PARPBP: variants seen among roughly 807,000 people sequenced by gnomAD.
PARPBP encodes PARP1 binding protein.
PARPBP carries 52 observed loss-of-function variants against 50.0 expected under a neutral mutation model. That is an observed-to-expected ratio of 1.04 (90% CI 0.83 to 1.31). PARPBP has a LOEUF of 1.31. Ranked by LOEUF, PARPBP falls within the 50% of genes most tolerant of loss-of-function variation. PARPBP has a pLI of 0.00. For missense variants in PARPBP, 697 were observed against 672.0 expected, an observed-to-expected ratio of 1.04 and a Z score of -0.41; for synonymous variants, 244 against 232.1, an observed-to-expected ratio of 1.05 and a Z score of -0.47.
At chr12:102,147,908 TA>T (rs1885619427) in intron 2 of PARPBP, among the ~76,000 whole-genome samples, 1 of 152,108 alleles carries the variant, frequency 6.6e-6, no homozygotes, top group Non-Finnish European at 1.5e-5. Flanking sequence ...AAGTATAGTT[TA>T]CTGCCCACCC....
In PARPBP at chr12:102,148,482, A is replaced by G. The variant is rs1450848974; in HGVS notation, c.387+19A>G. On this transcript the variant is annotated intron_variant, in intron 3 of 10. Coordinates refer to ENST00000327680, the MANE Select transcript of PARPBP (RefSeq NM_017915.5). The stretch of plus-strand genomic sequence containing the variant: ...ATCTCCTGTAAGTATTTTTTAAACA[A>G]TTCTATTTTAATCAAATTAAAATTT... 1.1e-6 allele frequency: 1 copy of G among 947,570 alleles called. No homozygotes were observed. The highest frequency in any genetic ancestry group is 1.6e-6 in the Non-Finnish European group (1 of 622,794). 58.7% of individuals were successfully genotyped at this position (947,570 alleles called of 1,614,324 possible).
intron 6 of PARPBP, among the ~76,000 whole-genome samples, chr12:102,168,802 A>G (rs1888407440): frequency 6.6e-6 from 1 of 152,186 alleles, no homozygotes; most frequent in South Asian, 2.1e-4. Context: ...TATTCATTTT[A>G]TCTTATAATT....
chr12:102,136,029 A>AT (rs75225108), intron 2 of PARPBP, among the ~76,000 whole-genome samples: 22 of 150,936 alleles, frequency 1.5e-4, no homozygotes, highest in South Asian at 1.3e-3. Flanking sequence ...TTTCCACATC[A>AT]TTTTTTTTTG....
At chr12:102,184,671 AT>A (rs1164590858) in intron 9 of PARPBP, among the ~76,000 whole-genome samples, 1 of 152,202 alleles carries the variant, frequency 6.6e-6, no homozygotes, top group African/African-American at 2.4e-5. Context: ...ACAGCTCTGA[AT>A]CTACTAATAA....
At chr12:102,135,661 T>C (rs945140843) in intron 2 of PARPBP, among the ~76,000 whole-genome samples, 4 of 152,106 alleles carry the variant, frequency 2.6e-5, no homozygotes, top group Non-Finnish European at 5.9e-5. Flanking sequence ...TGGACCTCAG[T>C]TTACACTCCT....
chr12:102,174,008 A>G (rs763631924), intron 6 of PARPBP, among the ~76,000 whole-genome samples: 9 of 151,256 alleles, frequency 6.0e-5, no homozygotes, highest in Non-Finnish European at 1.2e-4. Context: ...TTGTCTTACT[A>G]TTAAAAACTT....
rs1393003556 is a variant in PARPBP, at chr12:102,148,304, C to G, written c.228C>G (p.Asn76Lys). ...TWKYLLHEKL[N>K]LPVENMDVTD... ...AATACTTGCTCCATGAGAAATTGAA[C>G]TTACCAGTTGAAAACATGGACGTGA... The change falls in exon 3 of 11, where the codon AAC becomes AAG. Residue 76 changes from asparagine to lysine, a missense_variant. By Grantham distance (94) the Asn-to-Lys change is moderately conservative (BLOSUM62 0). Transcript: ENST00000327680. The G allele has an allele frequency of 6.2e-7, 1 of 1,607,260 alleles. No individual in the cohort carries two copies. Among genetic ancestry groups the G allele is most frequent in the Non-Finnish European group, 8.5e-7 (1 of 1,175,022 alleles).
rs550312636 is a variant in PARPBP, at chr12:102,155,072, C to T, written c.495+1096C>T. On this transcript the variant is annotated intron_variant, in intron 4 of 10. Transcript: ENST00000327680. Reference sequence around the variant, plus strand: ...TTGAATCTACCTATGACCTATAAGCCCCATTTCAAGGTGTCCCACCTTTCC... The same window carrying T: ...TTGAATCTACCTATGACCTATAAGCTCCATTTCAAGGTGTCCCACCTTTCC... 6.5e-5 allele frequency: 17 copies of T among 260,290 alleles called. 1 individual carries two copies. Among genetic ancestry groups the T allele is most frequent in the East Asian group, 4.0e-4 (4 of 9,950 alleles). The allele number at this position is 260,290 out of a possible 1,614,324, so 16.1% of individuals were successfully genotyped here. A position where few individuals can be genotyped will look rare whatever the true frequency, so the allele number is the denominator to read the frequency against.
intron 2 of PARPBP, among the ~76,000 whole-genome samples, chr12:102,124,435 T>A (rs1881645058): frequency 6.6e-6 from 1 of 152,204 alleles, no homozygotes. Context: ...ACCGGGATAC[T>A]GGAAACTGCC....
intron 9 of PARPBP, among the ~76,000 whole-genome samples, chr12:102,186,751 G>T (rs990697133): frequency 7.0e-4 from 107 of 152,046 alleles, no homozygotes; most frequent in African/African-American, 2.3e-3. Context: ...CTTATTCTGA[G>T]TCTAATGTTT....
chr12:102,129,383 T>A (rs751999221), intron 2 of PARPBP, among the ~76,000 whole-genome samples: 35 of 152,290 alleles, frequency 2.3e-4, no homozygotes, highest in South Asian at 1.2e-3. Context: ...TTTGGATATA[T>A]TTTCTCCCAT....
intron 2 of PARPBP, among the ~76,000 whole-genome samples, chr12:102,144,721 A>T (rs537702652): frequency 2.0e-5 from 3 of 152,158 alleles, no homozygotes; most frequent in Non-Finnish European, 4.4e-5. Flanking sequence ...TAGTGTTAGG[A>T]ATTTTTGAGA....
chr12:102,139,286 G>C (rs993018361), intron 2 of PARPBP, among the ~76,000 whole-genome samples: 2 of 152,142 alleles, frequency 1.3e-5, no homozygotes, highest in South Asian at 2.1e-4. Context: ...TTGGCTCTCT[G>C]TCTGTGATTG....
At chr12:102,134,156 C>G (rs1431383700) in intron 2 of PARPBP, among the ~76,000 whole-genome samples, 1 of 137,746 alleles carries the variant, frequency 7.3e-6, no homozygotes, top group Non-Finnish European at 1.6e-5. Flanking sequence ...TAGCAAAGAT[C>G]AATGAAGCTA....
chr12:102,136,972 T>C (rs1467293891), intron 2 of PARPBP, among the ~76,000 whole-genome samples: 1 of 152,278 alleles, frequency 6.6e-6, no homozygotes. Flanking sequence ...TGTTTGTTTT[T>C]GAGACAGAGT....
chr12:102,192,445 G>A (rs1280430914), intron 9 of PARPBP, among the ~76,000 whole-genome samples: 7 of 152,056 alleles, frequency 4.6e-5, no homozygotes, highest in African/African-American at 1.7e-4. Flanking sequence ...CAAATCTGAT[G>A]CTTTTCCCAT....
chr12:102,169,616 T>G (rs1447519736), intron 6 of PARPBP, among the ~76,000 whole-genome samples: 1 of 152,206 alleles, frequency 6.6e-6, no homozygotes, highest in Non-Finnish European at 1.5e-5. Flanking sequence ...TGTTTACTGT[T>G]TCAGACTTTC....
At chr12:102,129,553 T>A (rs1882531019) in intron 2 of PARPBP, among the ~76,000 whole-genome samples, 1 of 152,236 alleles carries the variant, frequency 6.6e-6, no homozygotes, top group Non-Finnish European at 1.5e-5. Flanking sequence ...GAGTTTTTCC[T>A]CTGTTTTTTT....
intron 2 of PARPBP, among the ~76,000 whole-genome samples, chr12:102,128,328 T>C (rs745929542): frequency 6.6e-5 from 10 of 152,106 alleles, no homozygotes; most frequent in African/African-American, 1.4e-4. Flanking sequence ...CCCTCCCGGG[T>C]TCACGCCATT....
Sources: allele counts gnomAD v4.1 joint callset (sites outside exome capture counted in the v4.1 genomes callset), GRCh38; gene constraint gnomAD v4.1.1; transcripts MANE v1.5; gene names NCBI Gene and HGNC (gene_info 2026-07-23, HGNC 2026-07-21).